The following ATAD2B variants were observed in gnomAD, a reference collection of about 807,000 sequenced individuals.
The protein encoded by ATAD2B is ATPase family AAA domain containing 2B, also known as ATPase family AAA domain-containing protein 2B.
In ATAD2B, 40 loss-of-function variants were observed where a neutral mutation model predicts 167.6. The ratio of observed to expected loss-of-function variants is 0.24; its 90% CI spans 0.19 to 0.31. The LOEUF (loss-of-function observed/expected upper bound fraction) is 0.31. ATAD2B is among the 10% of genes least tolerant of loss of function. The pLI is 1.00. For synonymous variants in ATAD2B, 579 were observed against 596.5 expected (o/e 0.97, Z 0.43); for missense variants, 1,242 against 1,757.2 (o/e 0.71, Z 5.24).
intron 14 of ATAD2B, chr2:23,832,573 T>C (rs1388491405): frequency 6.1e-6 from 1 of 162,666 alleles, no homozygotes; most frequent in African/African-American, 2.4e-5. Context: ...TCTACCAAAA[T>C]GCACGCTGCT....
At chr2:23,834,877 A>AC (rs1009300518) in intron 13 of ATAD2B, among the ~76,000 whole-genome samples, 1 of 152,252 alleles carries the variant, frequency 6.6e-6, no homozygotes, top group African/African-American at 2.4e-5. Flanking sequence ...ACACAGTGAG[A>AC]CCCCATCTCC....
chr2:23,892,674 T>G lies in ATAD2B; in HGVS notation c.368+3145A>C, dbSNP rs891898440. Among the ~76,000 whole-genome samples, 4 of 152,144 alleles carry G rather than the reference T, an allele frequency of 2.6e-5. No individual in the cohort carries two copies. In the East Asian group the frequency reaches 7.7e-4, roughly 29 times the overall value. On this transcript the variant is annotated intron_variant, in intron 2 of 27. Coordinates refer to ENST00000238789, the MANE Select transcript of ATAD2B (RefSeq NM_017552.4). ...TAGTAGAAATGGGATTTCACCATGT[T>G]GGCCAGACTGGTCTCCAACTCCTGG...
the ATAD2B span, among the ~76,000 whole-genome samples, chr2:23,709,055 A>T: frequency 0.84 from 127,081 of 151,790 alleles, 55,269 homozygotes; most frequent in East Asian, 1. Flanking sequence ...TTTCTTTTTT[A>T]TTGAGATGGA....
chr2:23,720,858 CT>C, the ATAD2B span, among the ~76,000 whole-genome samples: 1 of 151,284 alleles, frequency 6.6e-6, no homozygotes, highest in Non-Finnish European at 1.5e-5. Flanking sequence ...CACCCCCACC[CT>C]CACCCACTGT....
At chr2:23,793,340 T>C (rs1682112147) in intron 19 of ATAD2B, among the ~76,000 whole-genome samples, 1 of 152,234 alleles carries the variant, frequency 6.6e-6, no homozygotes, top group Non-Finnish European at 1.5e-5. Flanking sequence ...TGTGAATGTC[T>C]TCAGAAACAG....
chr2:23,786,039 C>G lies in ATAD2B; in HGVS notation c.2961G>C (p.Val987=), dbSNP rs1373110919. The change falls in exon 21 of 28, where the codon GTG becomes GTC. Residue 987 remains valine (V), a synonymous_variant. Coordinates refer to ENST00000238789, the MANE Select transcript of ATAD2B (RefSeq NM_017552.4). ...ACTGAAACAAGACCTCTTCAATATC[C>G]ACCGGTTTGCTGAAGATGTTAAAGC... ...DKRFNIFSKP[V]DIEEVSDYLE... 1 of 1,611,138 alleles carries G rather than the reference C, an allele frequency of 6.2e-7. No homozygotes were observed. Among genetic ancestry groups the G allele is most frequent in the Admixed American group, 1.7e-5 (1 of 59,674 alleles).
chr2:23,925,151 A>G (rs903857269), intron 1 of ATAD2B, among the ~76,000 whole-genome samples: 1 of 152,244 alleles, frequency 6.6e-6, no homozygotes, highest in Non-Finnish European at 1.5e-5. Flanking sequence ...TGTTTGGAAT[A>G]GTTTCCACCG....
chr2:23,703,115 G>A, the ATAD2B span: 3 of 1,168,634 alleles, frequency 2.6e-6, no homozygotes, highest in Non-Finnish European at 3.4e-6. Flanking sequence ...GCAGTTTGCT[G>A]CCCTTGCTTG....
At chr2:23,842,012 T>C (rs1178593442) in intron 13 of ATAD2B, among the ~76,000 whole-genome samples, 2 of 152,330 alleles carry the variant, frequency 1.3e-5, no homozygotes, top group Admixed American at 1.3e-4. Context: ...TCCTTACATG[T>C]AGATGTCTCA....
intron 8 of ATAD2B, among the ~76,000 whole-genome samples, chr2:23,875,270 G>A (rs1185043656): frequency 6.6e-6 from 1 of 152,048 alleles, no homozygotes; most frequent in African/African-American, 2.4e-5. Context: ...GAGAGGCCAA[G>A]GCAGGGGGTT....
chr2:23,814,917 G>T (rs545287020), intron 17 of ATAD2B, among the ~76,000 whole-genome samples: 2 of 151,894 alleles, frequency 1.3e-5, no homozygotes, highest in Non-Finnish European at 2.9e-5. Flanking sequence ...TTAGCCAGGC[G>T]TGGTGGCAGG....
intron 13 of ATAD2B, among the ~76,000 whole-genome samples, chr2:23,837,949 A>G (rs972147125): frequency 2.0e-5 from 3 of 152,214 alleles, no homozygotes; most frequent in African/African-American, 4.8e-5. Context: ...CAGAAACTGT[A>G]GTTCTAGTAA....
chr2:23,917,169 CTGAATGAA>C (rs368307167), intron 1 of ATAD2B, among the ~76,000 whole-genome samples: 2 of 152,302 alleles, frequency 1.3e-5, no homozygotes, highest in African/African-American at 4.8e-5. Flanking sequence ...TCGATATTTA[CTGAATGAA>C]TGAATGAATG....
At chr2:23,739,649 G>A in the ATAD2B span, among the ~76,000 whole-genome samples, 6 of 152,114 alleles carry the variant, frequency 3.9e-5, no homozygotes, top group Non-Finnish European at 8.8e-5. Flanking sequence ...AACTAGAAAA[G>A]CGAGAGCAAA....
intron 2 of ATAD2B, among the ~76,000 whole-genome samples, chr2:23,888,711 G>C (rs1699042835): frequency 1.3e-5 from 2 of 152,108 alleles, no homozygotes; most frequent in South Asian, 2.1e-4. Context: ...ACCATGAGTA[G>C]CAGGGGTCAC....
chr2:23,906,934 C>G (rs984312428), intron 1 of ATAD2B, among the ~76,000 whole-genome samples: 3 of 151,016 alleles, frequency 2.0e-5, no homozygotes, highest in African/African-American at 7.4e-5. Context: ...ATGCTAAAAA[C>G]TCTCAATAAA....
At chr2:23,711,342 CTTTTTTTTTTTTTTTTTTTTTTTTT>C in the ATAD2B span, among the ~76,000 whole-genome samples, 18 of 79,784 alleles carry the variant, frequency 2.3e-4, no homozygotes, top group South Asian at 9.0e-4. Flanking sequence ...GAATTTCTTT[CTTTTTTTTTTTTTTTTTTTTTTTTT>C]TTTTTTTTTT....
chr2:23,767,799 T>C (rs1677667118), intron 22 of ATAD2B, among the ~76,000 whole-genome samples: 1 of 151,600 alleles, frequency 6.6e-6, no homozygotes, highest in Non-Finnish European at 1.5e-5. Context: ...GGTGATAAAG[T>C]AGATAAGAGG....
chr2:23,747,897 GAAACTA>G (rs1172152383), downstream of ATAD2B, among the ~76,000 whole-genome samples: 4 of 151,952 alleles, frequency 2.6e-5, no homozygotes, highest in African/African-American at 9.7e-5. Flanking sequence ...GAGTCTTATG[GAAACTA>G]AAACTAGATA....
Sources: allele counts gnomAD v4.1 joint callset (sites outside exome capture counted in the v4.1 genomes callset), GRCh38; gene constraint gnomAD v4.1.1; transcripts MANE v1.5; gene names NCBI Gene and HGNC (gene_info 2026-07-23, HGNC 2026-07-21).